The following SERPINE2 variants were observed in gnomAD, a reference collection of about 807,000 sequenced individuals.
SERPINE2 encodes the protein glia-derived nexin.
SERPINE2 carries 14 observed loss-of-function variants against 36.3 expected under a neutral mutation model. The ratio of observed to expected loss-of-function variants is 0.39; its 90% CI spans 0.25 to 0.60. SERPINE2 has a LOEUF of 0.60. Among genes scored for constraint, SERPINE2 ranks in the 20% least tolerant of loss-of-function variants. SERPINE2 has a pLI of 0.57. For missense variants in SERPINE2, 418 were observed against 499.6 expected, an observed-to-expected ratio of 0.84 and a Z score of 1.56; for synonymous variants, 192 against 191.8, an observed-to-expected ratio of 1.00 and a Z score of -0.01.
rs576052754 is a variant in SERPINE2 at position 224,014,805 on chromosome 2, T to A, written c.-22-12883A>T. ...CCTATTAAGTTGGTTTATCCCTTAA[T>A]TTATCCTACAAATATTAATGAAGCA... is the stretch of plus-strand genomic sequence containing the variant. On this transcript the variant is annotated intron_variant, in intron 1 of 8. Transcript: ENST00000409304. 1.1e-4 allele frequency among the ~76,000 whole-genome samples: 16 copies of A among 152,314 alleles called. 1 individual carries two copies. The South Asian group carries it at 3.1e-3, about 30-fold the overall frequency.
intron 1 of SERPINE2, among the ~76,000 whole-genome samples, chr2:224,020,064 T>A (rs900162003): frequency 1.2e-4 from 18 of 152,342 alleles, no homozygotes; most frequent in African/African-American, 4.3e-4. Context: ...GCCTTCAAAA[T>A]GCCTAGTTAA....
chr2:224,001,499 G>GA, intron 2 of SERPINE2, 143 bp downstream of exon 2: 1 of 835,974 alleles, frequency 1.2e-6, no homozygotes, highest in Non-Finnish European at 1.8e-6. Flanking sequence ...AGAAGAGACT[G>GA]ACCCCAAGCC....
intron 3 of SERPINE2, among the ~76,000 whole-genome samples, chr2:223,992,521 T>C (rs1455594761): frequency 1.3e-5 from 2 of 152,094 alleles, no homozygotes; most frequent in South Asian, 2.1e-4. Flanking sequence ...TCTCTTAAGA[T>C]TTTAGAAACA....
intron 1 of SERPINE2, among the ~76,000 whole-genome samples, chr2:224,006,628 C>T (rs576385099): frequency 1.6e-4 from 24 of 152,296 alleles, no homozygotes; most frequent in Admixed American, 3.9e-4. Flanking sequence ...ACTCCTGGTG[C>T]CCACAGGGTC....
chr2:224,015,617 A>C (rs1484863975), intron 1 of SERPINE2, among the ~76,000 whole-genome samples: 5 of 152,204 alleles, frequency 3.3e-5, no homozygotes, highest in Non-Finnish European at 5.9e-5. Flanking sequence ...CATACTGCAG[A>C]ACCCAACCGG....
At position 223,991,967 on chromosome 2, in the gene SERPINE2, A is replaced by G. The variant is rs896036539; in HGVS notation, c.521T>C (p.Ile174Thr). Residue 174 changes from isoleucine (I) to threonine (T), a missense_variant, in exon 4 of 9, where the codon ATT (isoleucine) becomes ACT (threonine). Transcript: ENST00000409304. ...MIDNLLSPDL[I>T]DGVLTRLVLV... ...GACCAGTCTGGTGAGCACACCATCAATAAGATCTGGGGACAGCAGATTGTC... is the reference window on the plus strand; with the variant it reads ...GACCAGTCTGGTGAGCACACCATCAGTAAGATCTGGGGACAGCAGATTGTC... 7.4e-6 allele frequency: 12 copies of G among 1,613,982 alleles called. No individual in the cohort carries two copies. The highest frequency in any genetic ancestry group is 2.2e-5 in the East Asian group (1 of 44,886).
At chr2:223,995,491 C>T (rs1690846175) in intron 3 of SERPINE2, among the ~76,000 whole-genome samples, 1 of 152,216 alleles carries the variant, frequency 6.6e-6, no homozygotes, top group South Asian at 2.1e-4. Context: ...AATTGTGCTG[C>T]TTCTCCCGTG....
At chr2:224,006,911 G>A (rs1231852785) in intron 1 of SERPINE2, among the ~76,000 whole-genome samples, 1 of 152,016 alleles carries the variant, frequency 6.6e-6, no homozygotes, top group Non-Finnish European at 1.5e-5. Context: ...AGCGTGCCTC[G>A]CTCCCGCTGC....
At chr2:224,010,336 G>A in intron 1 of SERPINE2, 6 of 985,010 alleles carry the variant, frequency 6.1e-6, no homozygotes, top group Non-Finnish European at 7.2e-6. Flanking sequence ...AAATGTTTAG[G>A]AAATACCTTT....
intron 1 of SERPINE2, among the ~76,000 whole-genome samples, chr2:224,014,613 A>G (rs952299297): frequency 2.0e-5 from 3 of 152,152 alleles, no homozygotes; most frequent in African/African-American, 4.8e-5. Context: ...CACTACTGAC[A>G]TAACTCTTCA....
At chr2:224,003,111 A>G (rs1021201992) in intron 1 of SERPINE2, among the ~76,000 whole-genome samples, 9 of 152,152 alleles carry the variant, frequency 5.9e-5, no homozygotes, top group Non-Finnish European at 1.2e-4. Context: ...CATCGTGATG[A>G]GACCTGAATG....
At chr2:223,978,387 T>C (rs1462041196) in intron 7 of SERPINE2, 2 of 152,284 alleles carry the variant, frequency 1.3e-5, no homozygotes, top group Non-Finnish European at 2.9e-5. Context: ...GTCCAATTCT[T>C]AGCTTTTGTG....
At chr2:223,991,200 C>T (rs970195644) in intron 4 of SERPINE2, among the ~76,000 whole-genome samples, 2 of 152,036 alleles carry the variant, frequency 1.3e-5, no homozygotes, top group South Asian at 2.1e-4. Flanking sequence ...TGATCACATA[C>T]GTTCCACTGT....
At chr2:223,985,316 T>C (rs913331700) in intron 4 of SERPINE2, among the ~76,000 whole-genome samples, 1 of 132,000 alleles carries the variant, frequency 7.6e-6, no homozygotes. Flanking sequence ...TTTTTTTTTT[T>C]AAATAAAGTG....
intron 3 of SERPINE2, among the ~76,000 whole-genome samples, chr2:223,997,638 A>G (rs964003499): frequency 6.6e-6 from 1 of 152,098 alleles, no homozygotes; most frequent in African/African-American, 2.4e-5. Flanking sequence ...GGGGGTGTAA[A>G]AGTTGTAATC....
chr2:224,031,621 G>A (rs936193298), intron 1 of SERPINE2: 4 of 417,226 alleles, frequency 9.6e-6, no homozygotes, highest in Admixed American at 6.4e-5. Context: ...CATTGGTATC[G>A]GGACGAGCAT....
chr2:224,007,439 A>T (rs2106173919), intron 1 of SERPINE2, among the ~76,000 whole-genome samples: 1 of 152,366 alleles, frequency 6.6e-6, no homozygotes, highest in Non-Finnish European at 1.5e-5. Context: ...AACATCCAGA[A>T]AAAACAATTA....
At chr2:223,975,997 T>C in intron 8 of SERPINE2, 93 bp from the exon 9 acceptor site, 1 of 1,217,080 alleles carries the variant, frequency 8.2e-7, no homozygotes, top group Non-Finnish European at 1.2e-6. Flanking sequence ...AGGGAAACAA[T>C]CATGTTTGAC....
At chr2:223,983,967 CA>C (rs35648274) in intron 5 of SERPINE2, among the ~76,000 whole-genome samples, 35 of 145,440 alleles carry the variant, frequency 2.4e-4, no homozygotes, top group Middle Eastern at 3.5e-3. Context: ...GCTTATTTTA[CA>C]AAAAAAAAAA....
Sources: gnomAD v4.1 joint callset for allele counts (sites outside exome capture counted in the v4.1 genomes callset) on GRCh38, gnomAD v4.1.1 for gene constraint, MANE v1.5 for transcripts, NCBI Gene and HGNC (gene_info 2026-07-23, HGNC 2026-07-21) for gene names.